Variants in EEF1E1 observed in about 807,000 individuals in gnomAD.
EEF1E1 encodes the protein eukaryotic translation elongation factor 1 epsilon 1, also known as eukaryotic translation elongation factor 1 epsilon-1.
EEF1E1 carries 19 observed loss-of-function variants against 19.9 expected under a neutral mutation model. The ratio of observed to expected loss-of-function variants is 0.95; its 90% CI spans 0.66 to 1.40. The LOEUF is 1.40. EEF1E1 is among the 40% of genes most tolerant of loss of function. The pLI is 0.00. For synonymous variants in EEF1E1, 81 were observed against 80.0 expected (o/e 1.01, Z -0.07); for missense variants, 198 against 202.2 (o/e 0.98, Z 0.13).
At chr6:8,080,347 A>T (rs1192895538) in intron 3 of EEF1E1, among the ~76,000 whole-genome samples, 1 of 152,234 alleles carries the variant, frequency 6.6e-6, no homozygotes, top group Non-Finnish European at 1.5e-5. Flanking sequence ...TTCATTGGAA[A>T]GGAAGATAGA....
intron 2 of EEF1E1, among the ~76,000 whole-genome samples, chr6:8,094,778 G>A (rs1232300859): frequency 6.6e-6 from 1 of 152,036 alleles, no homozygotes; most frequent in East Asian, 1.9e-4. Context: ...AGACAAACCC[G>A]TGCTCTTCTT....
At chr6:8,099,240 A>C (rs1421534484) in intron 1 of EEF1E1, among the ~76,000 whole-genome samples, 1 of 152,270 alleles carries the variant, frequency 6.6e-6, no homozygotes, top group African/African-American at 2.4e-5. Flanking sequence ...TGGATGGCAT[A>C]TCCAATGGTG....
At chr6:8,073,829 A>G (rs563477700) in intron 3 of EEF1E1, among the ~76,000 whole-genome samples, 2 of 152,372 alleles carry the variant, frequency 1.3e-5, no homozygotes, top group Admixed American at 1.3e-4. Context: ...TTTGGCACTC[A>G]GAAGGCATTT....
downstream of EEF1E1, chr6:8,079,367 C>A: frequency 1.0e-6 from 1 of 983,112 alleles, no homozygotes; most frequent in Non-Finnish European, 1.2e-6. Context: ...TGAGTACTGA[C>A]TACAGAAAGA....
chr6:8,084,644 C>T (rs9379163), intron 3 of EEF1E1, among the ~76,000 whole-genome samples: 112,651 of 152,156 alleles, frequency 0.74, 42,557 homozygotes, highest in African/African-American at 0.88. Flanking sequence ...TCACAAAGGA[C>T]GACTGATGAT....
intron 2 of EEF1E1, 104 bp from the exon 3 acceptor site, chr6:8,090,385 T>C: frequency 1.3e-6 from 1 of 768,526 alleles, no homozygotes; most frequent in Non-Finnish European, 1.8e-6. Context: ...GAAAACAAAA[T>C]ATTGCCATTT....
At chr6:8,094,747 CCT>C (rs1481953078) in intron 2 of EEF1E1, among the ~76,000 whole-genome samples, 1 of 152,106 alleles carries the variant, frequency 6.6e-6, no homozygotes, top group African/African-American at 2.4e-5. Flanking sequence ...TTTTCTTCTA[CCT>C]CTGTCACCCA....
At chr6:8,084,610 C>T (rs998085178) in intron 3 of EEF1E1, among the ~76,000 whole-genome samples, 2 of 152,206 alleles carry the variant, frequency 1.3e-5, no homozygotes, top group East Asian at 1.9e-4. Context: ...TCTGAACAGA[C>T]GTTCACTAGC....
chr6:8,097,225 T>G (rs1758200070), intron 2 of EEF1E1, 42 bp downstream of exon 2: 1 of 1,575,804 alleles, frequency 6.3e-7, no homozygotes, highest in East Asian at 2.2e-5. Context: ...GATTTCTGAT[T>G]AACAGTTCAT....
chr6:8,085,486 C>T (rs1246004047), intron 3 of EEF1E1, among the ~76,000 whole-genome samples: 1 of 152,130 alleles, frequency 6.6e-6, no homozygotes, highest in Non-Finnish European at 1.5e-5. Context: ...CATTTAGCTG[C>T]ACAAGGCACT....
chr6:8,102,261 A>G (rs925834983), intron 1 of EEF1E1, among the ~76,000 whole-genome samples, 174 bp downstream of exon 1: 3 of 152,130 alleles, frequency 2.0e-5, no homozygotes, highest in Non-Finnish European at 4.4e-5. Flanking sequence ...AGGAGGTAGG[A>G]TGGCAGGGGC....
At chr6:8,079,120 A>G (rs918386989), downstream of EEF1E1, among the ~76,000 whole-genome samples, 1 of 152,206 alleles carries the variant, frequency 6.6e-6, no homozygotes. Flanking sequence ...TAGTCTTTCC[A>G]TGAGAGTTGG....
At chr6:8,096,160 G>C (rs1485051043) in intron 2 of EEF1E1, among the ~76,000 whole-genome samples, 1 of 152,120 alleles carries the variant, frequency 6.6e-6, no homozygotes, top group East Asian at 1.9e-4. Context: ...TATAACTTTT[G>C]AATCTTATAA....
chr6:8,084,115 T>C (rs1757787131), intron 3 of EEF1E1, among the ~76,000 whole-genome samples: 1 of 152,214 alleles, frequency 6.6e-6, no homozygotes, highest in Non-Finnish European at 1.5e-5. Flanking sequence ...ATCTATTCAA[T>C]TTCACTTTGA....
intron 3 of EEF1E1, among the ~76,000 whole-genome samples, chr6:8,088,322 A>G (rs2113649486): frequency 6.6e-6 from 1 of 152,316 alleles, no homozygotes; most frequent in East Asian, 1.9e-4. Context: ...GAGGAGATTC[A>G]GGTAAGAGGC....
intron 2 of EEF1E1, among the ~76,000 whole-genome samples, chr6:8,092,611 G>A (rs1014956559): frequency 6.6e-6 from 1 of 152,140 alleles, no homozygotes; most frequent in East Asian, 1.9e-4. Flanking sequence ...AGGGTAGAAT[G>A]TATTGGTATA....
intron 1 of EEF1E1, among the ~76,000 whole-genome samples, chr6:8,100,667 A>G (rs2113670984): frequency 6.6e-6 from 1 of 152,110 alleles, no homozygotes; most frequent in Admixed American, 6.5e-5. Context: ...ATCCCCAGCC[A>G]GCCTTTGTTT....
intron 1 of EEF1E1, among the ~76,000 whole-genome samples, chr6:8,098,636 T>A (rs1758241695): frequency 6.6e-6 from 1 of 152,156 alleles, no homozygotes; most frequent in Non-Finnish European, 1.5e-5. Context: ...TAAATTCAAA[T>A]GAAACCACAA....
chr6:8,095,760 C>T (rs566554585), intron 2 of EEF1E1, among the ~76,000 whole-genome samples: 39 of 152,216 alleles, frequency 2.6e-4, no homozygotes, highest in Non-Finnish European at 4.4e-4. Flanking sequence ...GTAATATTTA[C>T]TGCTTTTAAA....
Sources: allele counts gnomAD v4.1 joint callset (sites outside exome capture counted in the v4.1 genomes callset), GRCh38; gene constraint gnomAD v4.1.1; transcripts MANE v1.5; gene names NCBI Gene and HGNC (gene_info 2026-07-23, HGNC 2026-07-21).